The following KCNIP1 variants were observed in gnomAD, a reference collection of about 807,000 sequenced individuals.
KCNIP1 encodes A-type potassium channel modulatory protein KCNIP1.
A neutral mutation model predicts 33.0 loss-of-function variants in KCNIP1; 18 were observed. The ratio of observed to expected loss-of-function variants is 0.55; its 90% CI spans 0.38 to 0.81. KCNIP1 has a LOEUF of 0.81. Ranked by LOEUF, KCNIP1 falls within the 30% of genes least tolerant of loss-of-function variation. KCNIP1 has a pLI of 0.00. For missense variants in KCNIP1, 238 were observed against 271.6 expected, an observed-to-expected ratio of 0.88 and a Z score of 0.87; for synonymous variants, 93 against 98.3, an observed-to-expected ratio of 0.95 and a Z score of 0.32.
chr5:170,386,696 T>G (rs1462029064), intron 1 of KCNIP1, among the ~76,000 whole-genome samples: 1 of 151,690 alleles, frequency 6.6e-6, no homozygotes, highest in African/African-American at 2.4e-5. Flanking sequence ...GTTTTTTTTT[T>G]TTGTAAGGAA....
chr5:170,682,217 T>C (rs1297501719), intron 1 of KCNIP1, among the ~76,000 whole-genome samples: 1 of 152,192 alleles, frequency 6.6e-6, no homozygotes, highest in Non-Finnish European at 1.5e-5. Flanking sequence ...CTATCCATAA[T>C]CTGTCTCGGT....
At position 170,371,188 on chromosome 5, in the gene KCNIP1, G is replaced by A. The variant is rs370389801; in HGVS notation, c.88+17224G>A. 5.6e-4 allele frequency among the ~76,000 whole-genome samples: 85 copies of A among 152,296 alleles called. 2 individuals carry two copies. The South Asian group carries it at 0.014, about 25-fold the overall frequency. On this transcript the variant is annotated intron_variant, in intron 1 of 7. Coordinates refer to the KCNIP1 transcript ENST00000377360. Reference sequence around the variant, plus strand: ...TGGTGTGCCTGGGTTCCAGTTGGGCGTGTGATGAGCTATGGGCTGGAAAGC... The same window carrying A: ...TGGTGTGCCTGGGTTCCAGTTGGGCATGTGATGAGCTATGGGCTGGAAAGC...
chr5:170,586,049 G>T (rs972657814), intron 1 of KCNIP1, among the ~76,000 whole-genome samples: 1 of 152,194 alleles, frequency 6.6e-6, no homozygotes, highest in Non-Finnish European at 1.5e-5. Flanking sequence ...TGGGCAGGCC[G>T]GGCAACATGC....
chr5:170,381,721 A>T (rs1581130435), intron 1 of KCNIP1, among the ~76,000 whole-genome samples: 1 of 152,176 alleles, frequency 6.6e-6, no homozygotes, highest in Non-Finnish European at 1.5e-5. Context: ...TGCTCCTCTG[A>T]GCTGGCAATC....
chr5:170,499,360 T>C (rs935114567), upstream of KCNIP1, among the ~76,000 whole-genome samples: 1 of 152,212 alleles, frequency 6.6e-6, no homozygotes, highest in African/African-American at 2.4e-5. Context: ...GCAGTCCACC[T>C]TCAATAATGG....
intron 1 of KCNIP1, among the ~76,000 whole-genome samples, chr5:170,437,045 C>A (rs1165298528): frequency 6.6e-6 from 1 of 152,100 alleles, no homozygotes; most frequent in Non-Finnish European, 1.5e-5. Flanking sequence ...TGATTTTTTG[C>A]CAAGTTTGAT....
intron 1 of KCNIP1, among the ~76,000 whole-genome samples, chr5:170,554,899 G>C (rs1756789618): frequency 6.6e-6 from 1 of 152,126 alleles, no homozygotes. Context: ...CATTTAGGGT[G>C]GGCTTTTAAT....
intron 1 of KCNIP1, chr5:170,376,869 A>C (rs952131590): frequency 6.6e-6 from 1 of 152,244 alleles, no homozygotes; most frequent in Non-Finnish European, 1.5e-5. Flanking sequence ...GCAACTTAAA[A>C]TGAAAGTTAA....
At chr5:170,376,996 T>C (rs1764029672) in intron 1 of KCNIP1, 1 of 152,196 alleles carries the variant, frequency 6.6e-6, no homozygotes, top group South Asian at 2.1e-4. Flanking sequence ...CCTTCTTTTA[T>C]AGATGAAAAA....
At chr5:170,684,064 T>C (rs1209819374) in intron 1 of KCNIP1, among the ~76,000 whole-genome samples, 1 of 152,090 alleles carries the variant, frequency 6.6e-6, no homozygotes, top group East Asian at 1.9e-4. Flanking sequence ...GCCAATCTTT[T>C]AGGGATAATT....
chr5:170,452,964 G>A (rs1233173412), intron 1 of KCNIP1, among the ~76,000 whole-genome samples: 2 of 152,088 alleles, frequency 1.3e-5, no homozygotes, highest in Non-Finnish European at 2.9e-5. Context: ...ATCTAAAAAG[G>A]CAATAAAACA....
At chr5:170,474,199 G>A (rs572269306) in intron 1 of KCNIP1, among the ~76,000 whole-genome samples, 4 of 152,110 alleles carry the variant, frequency 2.6e-5, no homozygotes, top group Admixed American at 6.5e-5. Context: ...TCTATTACCC[G>A]AGAGGCTTTT....
chr5:170,394,369 C>CTAAA (rs1303028433), intron 1 of KCNIP1, among the ~76,000 whole-genome samples: 5 of 152,198 alleles, frequency 3.3e-5, no homozygotes, highest in Non-Finnish European at 7.3e-5. Flanking sequence ...GGTAAGCTCT[C>CTAAA]TAAAATCAGG....
intron 1 of KCNIP1, among the ~76,000 whole-genome samples, chr5:170,427,616 G>C (rs1348285462): frequency 6.6e-6 from 1 of 152,190 alleles, no homozygotes; most frequent in Non-Finnish European, 1.5e-5. Flanking sequence ...AATGCAAACA[G>C]GGACGTGACC....
At chr5:170,511,086 G>A (rs941939818) in intron 1 of KCNIP1, among the ~76,000 whole-genome samples, 5 of 152,218 alleles carry the variant, frequency 3.3e-5, no homozygotes, top group African/African-American at 1.2e-4. Context: ...GCATGCTCCT[G>A]TAATCCCAGT....
chr5:170,383,636 G>C (rs2113341519), intron 1 of KCNIP1: 1 of 1,605,964 alleles, frequency 6.2e-7, no homozygotes, highest in Non-Finnish European at 8.5e-7. Flanking sequence ...TCACACACCT[G>C]ACAGGGATAA....
intron 1 of KCNIP1, among the ~76,000 whole-genome samples, chr5:170,620,375 TTC>T (rs1759554790): frequency 6.6e-6 from 1 of 152,200 alleles, no homozygotes; most frequent in Admixed American, 6.5e-5. Context: ...CCTAAATTAG[TTC>T]GATAAGATTT....
intron 1 of KCNIP1, among the ~76,000 whole-genome samples, chr5:170,614,181 C>G (rs1033397851): frequency 6.6e-6 from 1 of 152,206 alleles, no homozygotes; most frequent in Non-Finnish European, 1.5e-5. Context: ...CTAAATATTG[C>G]CGCAGCCAGG....
chr5:170,658,445 T>C (rs1761353481), intron 1 of KCNIP1, among the ~76,000 whole-genome samples: 1 of 152,182 alleles, frequency 6.6e-6, no homozygotes, highest in Admixed American at 6.5e-5. Context: ...TATTAACCTC[T>C]TAAAGGTCCT....
Sources: allele counts gnomAD v4.1 joint callset (sites outside exome capture counted in the v4.1 genomes callset), GRCh38; gene constraint gnomAD v4.1.1; transcripts MANE v1.5; gene names NCBI Gene and HGNC (gene_info 2026-07-23, HGNC 2026-07-21).